The following ZNF385D variants were observed in gnomAD, a reference collection of about 807,000 sequenced individuals.
The protein encoded by ZNF385D is zinc finger protein 659.
A neutral mutation model predicts 35.8 loss-of-function variants in ZNF385D; 15 were observed. The observed-to-expected ratio is 0.42, with a 90% CI of 0.28 to 0.64. The LOEUF is 0.64. Ranked by LOEUF, ZNF385D falls within the 30% of genes least tolerant of loss-of-function variation. The probability of loss-of-function intolerance (pLI) is 0.23; values close to 1 mark genes in which losing one functional copy is unlikely to be tolerated. For missense variants in ZNF385D, 474 were observed against 494.6 expected (o/e 0.96, Z 0.39); for synonymous variants, 212 against 186.8 (o/e 1.13, Z -1.10).
intron 3 of ZNF385D, among the ~76,000 whole-genome samples, chr3:21,897,102 T>C (rs1410664508): frequency 1.3e-5 from 2 of 152,140 alleles, no homozygotes; most frequent in Non-Finnish European, 2.9e-5. Context: ...GGCAAGACTT[T>C]GGCTGATCAG....
At position 21,968,092 on chromosome 3, in the gene ZNF385D, T is replaced by C. The variant is rs79179928; in HGVS notation, c.325+200725A>G. On this transcript the variant is annotated intron_variant, in intron 3 of 5. Coordinates refer to the ZNF385D transcript ENST00000494108. ...GTGTACGGTGCAGAGAGAGTATCCA[T>C]GTGCTTGAGGGAGAGAGAGGAAAGG... Among the ~76,000 whole-genome samples the C allele has an allele frequency of 1.9e-3, 289 of 152,232 alleles. 2 individuals carry two copies. Among genetic ancestry groups the C allele is most frequent in the African/African-American group, 6.7e-3 (277 of 41,556 alleles).
intron 3 of ZNF385D, among the ~76,000 whole-genome samples, chr3:22,088,938 T>A (rs1701180160): frequency 6.6e-6 from 1 of 152,196 alleles, no homozygotes; most frequent in South Asian, 2.1e-4. Context: ...AGCAATCTAT[T>A]TAAAATGACT....
chr3:21,735,956 C>A (rs997573220), intron 1 of ZNF385D, among the ~76,000 whole-genome samples: 1 of 152,192 alleles, frequency 6.6e-6, no homozygotes, highest in African/African-American at 2.4e-5. Context: ...CAAGATTCCA[C>A]AGAAGTGGCC....
At chr3:21,616,572 T>C (rs1449741622) in intron 2 of ZNF385D, among the ~76,000 whole-genome samples, 1 of 152,184 alleles carries the variant, frequency 6.6e-6, no homozygotes, top group Non-Finnish European at 1.5e-5. Flanking sequence ...ATATTTAGTC[T>C]TGCAAACCAC....
At chr3:22,274,041 A>G (rs929154952) in intron 2 of ZNF385D, among the ~76,000 whole-genome samples, 1 of 152,016 alleles carries the variant, frequency 6.6e-6, no homozygotes, top group Non-Finnish European at 1.5e-5. Flanking sequence ...CATATAAACA[A>G]TATTTCTATT....
At chr3:22,030,255 T>TTATATATATA (rs1559316329) in intron 3 of ZNF385D, among the ~76,000 whole-genome samples, 13 of 27,922 alleles carry the variant, frequency 4.7e-4, no homozygotes, top group African/African-American at 2.0e-3. Context: ...ATAAACTCAT[T>TTATATATATA]CATATATATA....
chr3:21,553,615 T>C (rs1412719490), intron 3 of ZNF385D, among the ~76,000 whole-genome samples: 4 of 152,184 alleles, frequency 2.6e-5, no homozygotes, highest in Non-Finnish European at 4.4e-5. Context: ...AGAACTCTTT[T>C]CACAAAATAT....
chr3:21,764,976 T>C lies in ZNF385D; in HGVS notation c.326-99948A>G, dbSNP rs549797426. 5.3e-5 allele frequency among the ~76,000 whole-genome samples: 8 copies of C among 152,308 alleles called. No homozygotes were observed. The Middle Eastern group carries it at 0.014, about 259-fold the overall frequency. The stretch of plus-strand genomic sequence containing the variant: ...CTTGCTTTTAAAGATCTTCTAGCAT[T>C]GAGACGTATCCTTAGACTGAGATTA... On this transcript the variant is annotated intron_variant, in intron 3 of 5. Coordinates refer to the ZNF385D transcript ENST00000494108.
intron 2 of ZNF385D, among the ~76,000 whole-genome samples, chr3:22,298,078 T>A (rs1194703365): frequency 2.0e-5 from 3 of 151,978 alleles, no homozygotes; most frequent in Admixed American, 6.6e-5. Flanking sequence ...TGTGTCTCTA[T>A]TGCTTGATTT....
intron 2 of ZNF385D, among the ~76,000 whole-genome samples, chr3:22,306,823 T>C (rs1703251203): frequency 6.6e-6 from 1 of 152,044 alleles, no homozygotes; most frequent in South Asian, 2.1e-4. Flanking sequence ...GGTTTAGATA[T>C]AAAGATAATG....
At chr3:21,471,830 C>A (rs1330328933) in intron 4 of ZNF385D, among the ~76,000 whole-genome samples, 1 of 151,924 alleles carries the variant, frequency 6.6e-6, no homozygotes, top group Non-Finnish European at 1.5e-5. Flanking sequence ...CTCAGAGAGA[C>A]AAAGAAAATC....
intron 3 of ZNF385D, among the ~76,000 whole-genome samples, chr3:22,118,085 T>C (rs1702899972): frequency 6.6e-6 from 1 of 152,096 alleles, no homozygotes; most frequent in Non-Finnish European, 1.5e-5. Context: ...ATCGCTTTTA[T>C]GAAATGTCAT....
chr3:22,154,185 T>G (rs1231465461), intron 3 of ZNF385D, among the ~76,000 whole-genome samples: 1 of 152,164 alleles, frequency 6.6e-6, no homozygotes, highest in Non-Finnish European at 1.5e-5. Flanking sequence ...CTAAGGGCAT[T>G]CTGCCCTGTT....
chr3:21,470,204 A>G (rs1362667221), intron 4 of ZNF385D, among the ~76,000 whole-genome samples: 1 of 152,192 alleles, frequency 6.6e-6, no homozygotes, highest in East Asian at 1.9e-4. Context: ...CCAATTCTTC[A>G]ATAAATATGT....
chr3:22,145,008 A>ATG (rs1491569884), intron 3 of ZNF385D, among the ~76,000 whole-genome samples: 55 of 61,830 alleles, frequency 8.9e-4, no homozygotes, highest in African/African-American at 2.2e-3. Context: ...TTGAAGATAC[A>ATG]TATGTGTGTG....
At chr3:21,850,935 T>G (rs1453210869) in intron 3 of ZNF385D, among the ~76,000 whole-genome samples, 1 of 151,974 alleles carries the variant, frequency 6.6e-6, no homozygotes, top group Non-Finnish European at 1.5e-5. Context: ...AGAAAAACCA[T>G]TATGTATCAT....
chr3:22,089,933 G>T (rs951561227), intron 3 of ZNF385D, among the ~76,000 whole-genome samples: 1 of 152,070 alleles, frequency 6.6e-6, no homozygotes, highest in Admixed American at 6.6e-5. Context: ...CTGCCTCCTG[G>T]GTTCAAGCGA....
intron 2 of ZNF385D, among the ~76,000 whole-genome samples, chr3:22,338,763 C>T (rs764755440): frequency 1.1e-4 from 16 of 143,512 alleles, no homozygotes; most frequent in East Asian, 2.0e-4. Flanking sequence ...TACAATGGCG[C>T]GATCTCGGCT....
intron 3 of ZNF385D, among the ~76,000 whole-genome samples, chr3:22,114,432 T>C (rs1478576824): frequency 1.3e-5 from 2 of 152,134 alleles, no homozygotes; most frequent in Non-Finnish European, 2.9e-5. Flanking sequence ...GTACATATCA[T>C]GTTTTACATT....
Sources: gnomAD v4.1 joint callset for allele counts (sites outside exome capture counted in the v4.1 genomes callset) on GRCh38, gnomAD v4.1.1 for gene constraint, MANE v1.5 for transcripts, NCBI Gene and HGNC (gene_info 2026-07-23, HGNC 2026-07-21) for gene names.